CD38: variants seen among roughly 807,000 people sequenced by gnomAD.
CD38 encodes the protein CD38 molecule.
CD38 carries 31 observed loss-of-function variants against 36.3 expected under a neutral mutation model. The ratio of observed to expected loss-of-function variants is 0.85; its 90% CI spans 0.64 to 1.15. The LOEUF (loss-of-function observed/expected upper bound fraction) is 1.15. Ranked by LOEUF, CD38 falls within the 50% of genes most tolerant of loss-of-function variation. CD38 has a pLI of 0.00. For missense variants in CD38, 380 were observed against 371.9 expected, an observed-to-expected ratio of 1.02 and a Z score of -0.18; for synonymous variants, 131 against 135.2, an observed-to-expected ratio of 0.97 and a Z score of 0.22.
chr4:15,832,206 C>T (rs2148926402), intron 3 of CD38, among the ~76,000 whole-genome samples: 1 of 152,190 alleles, frequency 6.6e-6, no homozygotes, highest in Non-Finnish European at 1.5e-5. Flanking sequence ...TTTCAGTTTC[C>T]TCAACATGGC....
At chr4:15,789,971 A>G (rs1722922510) in intron 1 of CD38, among the ~76,000 whole-genome samples, 1 of 152,234 alleles carries the variant, frequency 6.6e-6, no homozygotes, top group South Asian at 2.1e-4. Context: ...TGACTAAAAC[A>G]GGAGGCTTTA....
At chr4:15,835,429 G>A (rs1037567453) in intron 4 of CD38, among the ~76,000 whole-genome samples, 1 of 127,782 alleles carries the variant, frequency 7.8e-6, no homozygotes, top group East Asian at 2.5e-4. Flanking sequence ...CCAGGCTGGA[G>A]TGCAATGGTG....
rs1310623837 is a variant in CD38 at position 15,852,479 on chromosome 4, T to G, written c.*3877T>G. 3 of 152,208 alleles carry G rather than the reference T, an allele frequency of 2.0e-5. No homozygotes were observed. The highest frequency in any genetic ancestry group is 4.4e-5 in the Non-Finnish European group (3 of 68,036). 9.4% of individuals were successfully genotyped at this position (152,208 alleles called of 1,614,324 possible). A position where few individuals can be genotyped will look rare whatever the true frequency, so the allele number is the denominator to read the frequency against. ...TTTTGTGGGTTTTTAAAAGGCAAGTTGTTATATGTGCTGGATAGTTTTTAA... is the reference window on the plus strand; with the variant it reads ...TTTTGTGGGTTTTTAAAAGGCAAGTGGTTATATGTGCTGGATAGTTTTTAA... On this transcript the variant is annotated 3_prime_UTR_variant, in exon 8 of 8. Transcript: ENST00000226279.
Position 15,778,862 on chromosome 4 carries a change from C to CGGG in CD38, c.233+222_233+224dup, listed in dbSNP as rs3216860. Among the ~76,000 whole-genome samples the CGGG allele has an allele frequency of 5.0e-4, 73 of 146,668 alleles. No individual in the cohort carries two copies. The highest frequency in any genetic ancestry group is 8.8e-4 in the South Asian group (4 of 4,530). The stretch of plus-strand genomic sequence containing the variant: ...TGGCACCGAGCGTGCCCGCGGGAGG[C>CGGG]GGGGGGGGGCGCTGCTCGGTGGCTC... On this transcript the variant is annotated intron_variant, in intron 1 of 7. Transcript: ENST00000226279. The surrounding 1 kb of genome is among the most constrained non-coding windows in gnomAD (Gnocchi z 4.9).
At chr4:15,780,530 A>ACACACACACACACACACACACACACG (rs1560303819) in intron 1 of CD38, among the ~76,000 whole-genome samples, 16 of 36,938 alleles carry the variant, frequency 4.3e-4, no homozygotes, top group African/African-American at 2.7e-3. Context: ...ACACACACAC[A>ACACACACACACACACACACACACACG]CACACACACA....
chr4:15,804,736 A>T (rs1443970715), intron 1 of CD38, among the ~76,000 whole-genome samples: 1 of 152,212 alleles, frequency 6.6e-6, no homozygotes, highest in Non-Finnish European at 1.5e-5. Context: ...AGAGAAGTAG[A>T]GAGTAGAATA....
At chr4:15,835,444 C>T (rs137986176) in intron 4 of CD38, among the ~76,000 whole-genome samples, 1,968 of 120,904 alleles carry the variant, frequency 0.016, 44 homozygotes, top group African/African-American at 0.055. Flanking sequence ...ATGGTGTGAT[C>T]TCGGCTCCCT....
In CD38 at chr4:15,779,012, C is replaced by T. The variant is rs145524992; in HGVS notation, c.233+365C>T. Among the ~76,000 whole-genome samples the T allele has an allele frequency of 9.2e-5, 14 of 152,316 alleles. No individual in the cohort carries two copies. The East Asian group carries it at 2.7e-3, about 30-fold the overall frequency. On this transcript the variant is annotated intron_variant, in intron 1 of 7. Transcript: ENST00000226279. ...TCAGCCCGCTTCACCGCTTCAGGGA[C>T]GGAATAGAACTCGCAGATGCAGGGT...
chr4:15,802,027 C>T (rs1014440724), intron 1 of CD38, among the ~76,000 whole-genome samples: 77 of 152,024 alleles, frequency 5.1e-4, no homozygotes, highest in African/African-American at 1.8e-3. Context: ...CAGATGACAT[C>T]CTCTTACCTA....
At chr4:15,822,977 A>G (rs963840414) in intron 2 of CD38, among the ~76,000 whole-genome samples, 14 of 152,206 alleles carry the variant, frequency 9.2e-5, no homozygotes, top group Non-Finnish European at 2.1e-4. Context: ...CTTGTACAAA[A>G]ATAAACACAT....
chr4:15,786,192 T>C lies in CD38; in HGVS notation c.233+7545T>C, dbSNP rs527276872. On this transcript the variant is annotated intron_variant, in intron 1 of 7. Transcript: ENST00000226279. The stretch of plus-strand genomic sequence containing the variant: ...ACAAAGCTTCCCCAGTGTAGAAGTG[T>C]AGAACGGGACGCCAATGGGTTGCCA... 6.6e-5 allele frequency among the ~76,000 whole-genome samples: 10 copies of C among 152,332 alleles called. No individual in the cohort carries two copies. In the South Asian group the frequency reaches 2.1e-3, roughly 32 times the overall value.
In CD38 at chr4:15,810,124, T is replaced by C. The variant is rs3796869; in HGVS notation, c.234-6387T>C. Among the ~76,000 whole-genome samples the C allele has an allele frequency of 1.7e-4, 26 of 152,338 alleles. 1 individual carries two copies. In the East Asian group the frequency reaches 5.0e-3, roughly 29 times the overall value. ...CCTAGGTCTGTTTCAACTCTAACGTTCTATAGCTCTGCTCCGTCTAAACAA... is the reference window on the plus strand; with the variant it reads ...CCTAGGTCTGTTTCAACTCTAACGTCCTATAGCTCTGCTCCGTCTAAACAA... On this transcript the variant is annotated intron_variant, in intron 1 of 7. Transcript: ENST00000226279.
chr4:15,798,218 C>T lies in CD38; in HGVS notation c.234-18293C>T, dbSNP rs186904989. Among the ~76,000 whole-genome samples, 5 of 152,308 alleles carry T rather than the reference C, an allele frequency of 3.3e-5. No individual in the cohort carries two copies. In the East Asian group the frequency reaches 9.6e-4, roughly 29 times the overall value. On this transcript the variant is annotated intron_variant, in intron 1 of 7. Coordinates refer to ENST00000226279, the MANE Select transcript of CD38 (RefSeq NM_001775.4). ...GCCACTTTAAAATGTTGTTGACACA[C>T]ATAACAAGACATCCAGAAGTGGGGT...
chr4:15,826,429 A>C (rs1723846482), intron 3 of CD38, among the ~76,000 whole-genome samples: 1 of 150,680 alleles, frequency 6.6e-6, no homozygotes. Flanking sequence ...GGTTGCTATT[A>C]TGTCATTATT....
At chr4:15,805,767 T>C (rs1331508312) in intron 1 of CD38, among the ~76,000 whole-genome samples, 1 of 152,244 alleles carries the variant, frequency 6.6e-6, no homozygotes. Context: ...ATTGTCTCAG[T>C]GACTCTCACC....
chr4:15,825,117 A>C lies in CD38; in HGVS notation c.499+101A>C, dbSNP rs2148924629. The C allele has an allele frequency of 5.8e-6, 7 of 1,212,110 alleles. No individual in the cohort carries two copies. In the South Asian group the frequency reaches 1.0e-4, roughly 17 times the overall value. 75.1% of individuals were successfully genotyped at this position (1,212,110 alleles called of 1,614,324 possible). A position where few individuals can be genotyped will look rare whatever the true frequency, so the allele number is the denominator to read the frequency against. ...TGATTAGTGTGGAGGACAGAGCCAC[A>C]GGCACCCATCCTGATGCCATCTATA... On this transcript the variant is annotated intron_variant, in intron 3 of 7. Transcript: ENST00000226279.
At chr4:15,790,151 C>G (rs1560307092) in intron 1 of CD38, among the ~76,000 whole-genome samples, 1 of 41,450 alleles carries the variant, frequency 2.4e-5, no homozygotes, top group African/African-American at 5.2e-4. Context: ...CTCTCCCTCT[C>G]CCTCTCCCCC....
intron 1 of CD38, among the ~76,000 whole-genome samples, chr4:15,786,102 G>A (rs920296644): frequency 2.2e-4 from 34 of 152,164 alleles, no homozygotes; most frequent in African/African-American, 5.6e-4. Context: ...GAGTGTTACA[G>A]CTCATAAAAG....
intron 1 of CD38, among the ~76,000 whole-genome samples, chr4:15,793,531 G>T (rs1723049316): frequency 6.6e-6 from 1 of 152,132 alleles, no homozygotes; most frequent in Admixed American, 6.5e-5. Flanking sequence ...ACTGAATGAT[G>T]TAAGTTTTCT....
Sources: gnomAD v4.1 joint callset for allele counts (sites outside exome capture counted in the v4.1 genomes callset) on GRCh38, gnomAD v4.1.1 for gene constraint, Gnocchi (gnomAD v3.1) non-coding constraint, MANE v1.5 for transcripts, NCBI Gene and HGNC (gene_info 2026-07-23, HGNC 2026-07-21) for gene names.